The following PTPRO variants were observed in gnomAD, a reference collection of about 807,000 sequenced individuals.
PTPRO encodes receptor-type tyrosine-protein phosphatase O.
A neutral mutation model predicts 145.2 loss-of-function variants in PTPRO; 62 were observed. The ratio of observed to expected loss-of-function variants is 0.43; its 90% CI spans 0.35 to 0.53. The LOEUF (loss-of-function observed/expected upper bound fraction) is 0.53, where lower values mean the gene tolerates loss of function less well. Among genes scored for constraint, PTPRO ranks in the 20% least tolerant of loss-of-function variants. The pLI, the probability that PTPRO is intolerant of heterozygous loss-of-function variation, is 0.01. For synonymous variants in PTPRO, 565 were observed against 514.7 expected (o/e 1.10, Z -1.32); for missense variants, 1,345 against 1,482.7 (o/e 0.91, Z 1.53).
At chr12:15,529,864 G>A (rs1350352730) in intron 12 of PTPRO, among the ~76,000 whole-genome samples, 10 of 152,224 alleles carry the variant, frequency 6.6e-5, no homozygotes, top group East Asian at 1.9e-4. Flanking sequence ...TAGTAAATCC[G>A]TACTTAGCAA....
intron 2 of PTPRO, among the ~76,000 whole-genome samples, chr12:15,487,718 A>G (rs971257080): frequency 6.6e-5 from 10 of 152,126 alleles, no homozygotes; most frequent in Non-Finnish European, 1.2e-4. Flanking sequence ...TCTCCCAGTT[A>G]GTCTAGACCA....
chr12:15,348,047 G>T (rs1937649778), intron 1 of PTPRO, among the ~76,000 whole-genome samples: 1 of 152,038 alleles, frequency 6.6e-6, no homozygotes, highest in African/African-American at 2.4e-5. Context: ...CATCCCAAAA[G>T]ATGACCATAC....
intron 1 of PTPRO, among the ~76,000 whole-genome samples, chr12:15,450,334 C>T (rs1178823903): frequency 6.6e-6 from 1 of 152,206 alleles, no homozygotes; most frequent in Non-Finnish European, 1.5e-5. Context: ...CGACTCTTTC[C>T]CATTCTCTAT....
intron 1 of PTPRO, among the ~76,000 whole-genome samples, chr12:15,330,060 A>G (rs1012881002): frequency 6.6e-6 from 1 of 152,198 alleles, no homozygotes; most frequent in Non-Finnish European, 1.5e-5. Flanking sequence ...AGCCAGAAAG[A>G]AGGATCTCTG....
chr12:15,415,974 A>G (rs1939960459), intron 1 of PTPRO, among the ~76,000 whole-genome samples: 1 of 151,650 alleles, frequency 6.6e-6, no homozygotes, highest in African/African-American at 2.4e-5. Context: ...AATTCCAATA[A>G]AGTCTCTCAT....
At chr12:15,497,463 C>G (rs1011178806) in intron 3 of PTPRO, 60 bp downstream of exon 3, 16 of 1,530,404 alleles carry the variant, frequency 1.0e-5, no homozygotes, top group Non-Finnish European at 1.4e-5. Context: ...AAGCTTTTCC[C>G]AAATGATGTT....
intron 1 of PTPRO, among the ~76,000 whole-genome samples, chr12:15,413,845 T>G (rs977617610): frequency 6.6e-6 from 1 of 151,714 alleles, no homozygotes; most frequent in African/African-American, 2.4e-5. Context: ...TAAATAAAAA[T>G]AAAAGATTGA....
In PTPRO at chr12:15,594,994, C is replaced by T. The variant is rs766057823; in HGVS notation, c.3604C>T (p.Gln1202Ter). Residue 1202 changes from glutamine to a stop codon, truncating the protein, a stop_gained, in exon 26 of 27, where the codon CAG (glutamine) becomes TAG (stop). Coordinates refer to ENST00000281171, the MANE Select transcript of PTPRO (RefSeq NM_030667.3). LOFTEE classifies it high-confidence loss of function. ...VQLMWMKKKQ[Q>*]FCISDVIYEN... ...ACTGATGTGGATGAAGAAGAAGCAG[C>T]AGTTCTGCATCAGTGATGTCATATA... 6.2e-7 allele frequency: 1 copy of T among 1,613,890 alleles called. No homozygotes were observed. The highest frequency in any genetic ancestry group is 8.5e-7 in the Non-Finnish European group (1 of 1,179,874).
chr12:15,380,597 C>A (rs1240323933), intron 1 of PTPRO, among the ~76,000 whole-genome samples: 1 of 152,118 alleles, frequency 6.6e-6, no homozygotes, highest in Non-Finnish European at 1.5e-5. Flanking sequence ...CAGAAAAATT[C>A]ATCTAAAGGT....
intron 19 of PTPRO, among the ~76,000 whole-genome samples, chr12:15,578,487 A>G (rs1228306508): frequency 1.3e-5 from 2 of 152,164 alleles, no homozygotes; most frequent in African/African-American, 4.8e-5. Context: ...TTTCTCACTC[A>G]TGGGTCTGTG....
intron 18 of PTPRO, 124 bp downstream of exon 18, chr12:15,565,752 T>C: frequency 2.8e-6 from 2 of 706,940 alleles, no homozygotes; most frequent in Non-Finnish European, 5.0e-6. Context: ...CATATTACAA[T>C]AGCTAAGCAC....
At chr12:15,434,897 CT>C (rs759881527) in intron 1 of PTPRO, among the ~76,000 whole-genome samples, 11 of 152,102 alleles carry the variant, frequency 7.2e-5, no homozygotes, top group Admixed American at 1.3e-4. Flanking sequence ...TAATTTTGCC[CT>C]TTTGGTTGCA....
intron 1 of PTPRO, among the ~76,000 whole-genome samples, chr12:15,373,597 C>G (rs1938594901): frequency 6.6e-6 from 1 of 152,070 alleles, no homozygotes; most frequent in Admixed American, 6.5e-5. Flanking sequence ...CTGGCAAAAG[C>G]TGAGGAAACA....
chr12:15,364,522 C>T (rs986060851), intron 1 of PTPRO, among the ~76,000 whole-genome samples: 1 of 152,096 alleles, frequency 6.6e-6, no homozygotes, highest in Non-Finnish European at 1.5e-5. Context: ...TTTTCTATTC[C>T]TATATCATGA....
chr12:15,379,365 C>CAA (rs144784597), intron 1 of PTPRO, among the ~76,000 whole-genome samples: 5 of 111,052 alleles, frequency 4.5e-5, no homozygotes, highest in Non-Finnish European at 6.1e-5. Flanking sequence ...ACTAAAAATA[C>CAA]AAAAAAAAAA....
chr12:15,333,923 T>A (rs556835586), intron 1 of PTPRO, among the ~76,000 whole-genome samples: 115 of 152,320 alleles, frequency 7.5e-4, no homozygotes, highest in African/African-American at 2.7e-3. Flanking sequence ...TCATTTATTC[T>A]CCATCGTATT....
At chr12:15,392,720 C>CAAAAAAAAAAAAAAAAAA (rs1177789187) in intron 1 of PTPRO, among the ~76,000 whole-genome samples, 6 of 66,680 alleles carry the variant, frequency 9.0e-5, no homozygotes, top group East Asian at 4.8e-4. Context: ...GACCCTGTCT[C>CAAAAAAAAAAAAAAAAAA]AAAAAAAAAA....
chr12:15,465,061 T>C (rs527952422), intron 1 of PTPRO, among the ~76,000 whole-genome samples: 73 of 152,212 alleles, frequency 4.8e-4, no homozygotes, highest in Non-Finnish European at 6.0e-4. Flanking sequence ...TAATAATGTT[T>C]CCTTAACACC....
intron 19 of PTPRO, among the ~76,000 whole-genome samples, chr12:15,574,328 T>C (rs1033832627): frequency 6.6e-6 from 1 of 152,238 alleles, no homozygotes; most frequent in Admixed American, 6.5e-5. Context: ...CCTCATTTTT[T>C]ACATTTCACA....
Sources: allele counts gnomAD v4.1 joint callset (sites outside exome capture counted in the v4.1 genomes callset), GRCh38; gene constraint gnomAD v4.1.1; transcripts MANE v1.5; gene names NCBI Gene and HGNC (gene_info 2026-07-23, HGNC 2026-07-21).